NRXN2: variants seen among roughly 807,000 people sequenced by gnomAD.
NRXN2 encodes neurexin 2.
NRXN2 carries 29 observed loss-of-function variants against 128.8 expected under a neutral mutation model. The observed-to-expected ratio is 0.23, with a 90% CI of 0.17 to 0.31. The LOEUF is 0.31. Among genes scored for constraint, NRXN2 ranks in the 10% least tolerant of loss-of-function variants. The pLI is 1.00. For synonymous variants in NRXN2, 1,098 were observed against 1,075.2 expected (o/e 1.02, Z -0.41); for missense variants, 1,881 against 2,452.6 (o/e 0.77, Z 4.92).
At chr11:64,642,593 C>T (rs759320759) in intron 17 of NRXN2, 1 of 1,610,294 alleles carries the variant, frequency 6.2e-7, no homozygotes, top group South Asian at 1.1e-5. Context: ...GGCACGGTGC[C>T]GTGCTTGCTG....
chr11:64,688,394 GT>G (rs1194040135), intron 5 of NRXN2: 15 of 985,318 alleles, frequency 1.5e-5, no homozygotes, highest in Non-Finnish European at 1.8e-5. Context: ...AGATGAGCAA[GT>G]GTGGAAAGAA....
At chr11:64,634,582 G>A (rs2044407109) in intron 18 of NRXN2, among the ~76,000 whole-genome samples, 1 of 152,082 alleles carries the variant, frequency 6.6e-6, no homozygotes, top group Non-Finnish European at 1.5e-5. Context: ...GAGGGGCTAG[G>A]GCTTCTCCCT....
At chr11:64,694,534 C>T (rs1192934632) in intron 3 of NRXN2, among the ~76,000 whole-genome samples, 1 of 152,190 alleles carries the variant, frequency 6.6e-6, no homozygotes, top group Non-Finnish European at 1.5e-5. Context: ...TTTCTCCCCA[C>T]CTCTGAGTCT....
At chr11:64,642,628 G>A in intron 17 of NRXN2, 2 of 1,609,318 alleles carry the variant, frequency 1.2e-6, no homozygotes, top group Non-Finnish European at 1.7e-6. Flanking sequence ...GTGGTGGGTG[G>A]TGCTGAGGCT....
At chr11:64,638,280 G>T (rs1014940040) in intron 17 of NRXN2, among the ~76,000 whole-genome samples, 1 of 152,228 alleles carries the variant, frequency 6.6e-6, no homozygotes, top group African/African-American at 2.4e-5. Context: ...ATTACACTGT[G>T]GGGGGACTGG....
At chr11:64,649,682 A>G (rs1315118928) in intron 15 of NRXN2, among the ~76,000 whole-genome samples, 2 of 152,158 alleles carry the variant, frequency 1.3e-5, no homozygotes, top group East Asian at 1.9e-4. Flanking sequence ...AGTTAATTCC[A>G]TGGTCTCTGA....
chr11:64,615,554 T>C (rs1309243658), intron 22 of NRXN2, among the ~76,000 whole-genome samples: 2 of 152,216 alleles, frequency 1.3e-5, no homozygotes, highest in Non-Finnish European at 2.9e-5. Flanking sequence ...ATGGAGTAAG[T>C]GCAGGAGGCT....
chr11:64,613,667 G>A (rs1474021258), intron 22 of NRXN2, among the ~76,000 whole-genome samples: 4 of 152,330 alleles, frequency 2.6e-5, no homozygotes, highest in South Asian at 2.1e-4. Context: ...GCATACCCAG[G>A]TAGGGTGCAC....
rs770774898 is a variant in NRXN2 at position 64,690,423 on chromosome 11, C to T, written c.832G>A (p.Val278Met). ...GGAGRGGAGDVHQPTKGKEEF... is the reference protein window; with the variant it reads ...GGAGRGGAGDMHQPTKGKEEF... ...CACTGACCTTTTGTTGGCTGGTGCA[C>T]ATCGCCGGCTCCTCCTCTCCCGGCC... Residue 278 changes from valine (V) to methionine (M), a missense_variant, in exon 5 of 23, where the codon GTG becomes ATG. Val to Met is a conservative substitution (Grantham distance 21, BLOSUM62 1). Around this residue, in one of 7 missense-constraint regions of NRXN2, gnomAD observed 997 missense variants for 1,240.8 expected, o/e 0.80. Transcript: ENST00000265459. 2.5e-6 allele frequency: 4 copies of T among 1,613,240 alleles called. No homozygotes were observed. In the East Asian group the frequency reaches 6.7e-5, roughly 27 times the overall value.
chr11:64,640,069 C>A (rs1349717031), intron 17 of NRXN2, among the ~76,000 whole-genome samples: 1 of 152,058 alleles, frequency 6.6e-6, no homozygotes, highest in Non-Finnish European at 1.5e-5. Flanking sequence ...GGCTCCTCCC[C>A]CACACCTCCC....
intron 4 of NRXN2, among the ~76,000 whole-genome samples, chr11:64,691,711 A>G (rs2053829681): frequency 6.6e-6 from 1 of 151,348 alleles, no homozygotes; most frequent in South Asian, 2.1e-4. Context: ...CAGGGTTCCT[A>G]CTCCTAGCTC....
intron 2 of NRXN2, among the ~76,000 whole-genome samples, chr11:64,700,002 G>T (rs1349494797): frequency 6.6e-6 from 1 of 152,150 alleles, no homozygotes; most frequent in Admixed American, 6.5e-5. Flanking sequence ...AACCAGGCTT[G>T]GTTTGTTTCT....
At chr11:64,638,587 A>G (rs966065389) in intron 17 of NRXN2, among the ~76,000 whole-genome samples, 20 of 152,212 alleles carry the variant, frequency 1.3e-4, no homozygotes, top group African/African-American at 4.8e-4. Context: ...AGCGCAAAAT[A>G]GGGCACCACA....
At chr11:64,665,884 G>A (rs1272469967) in intron 9 of NRXN2, among the ~76,000 whole-genome samples, 1 of 152,168 alleles carries the variant, frequency 6.6e-6, no homozygotes, top group East Asian at 1.9e-4. Context: ...TTAGCAGACA[G>A]AAAACAAGAA....
intron 2 of NRXN2, chr11:64,712,574 G>A: frequency 3.7e-6 from 1 of 272,274 alleles, no homozygotes; most frequent in East Asian, 1.4e-4. Flanking sequence ...CATGGTCCCC[G>A]CCCACTGCCT....
At chr11:64,704,623 C>CAGAGAG (rs61394963) in intron 2 of NRXN2, among the ~76,000 whole-genome samples, 3,285 of 81,024 alleles carry the variant, frequency 0.041, 227 homozygotes, top group Non-Finnish European at 0.058. Context: ...CACACACACA[C>CAGAGAG]AGAGAGAGAG....
chr11:64,650,705 G>A (rs748020801), intron 14 of NRXN2, 67 bp from the exon 15 acceptor site: 17 of 1,485,670 alleles, frequency 1.1e-5, no homozygotes, highest in Non-Finnish European at 1.2e-5. Context: ...GGGGTGAGGA[G>A]GAGCTATGGC....
At chr11:64,719,974 C>T (rs1318033561) in intron 1 of NRXN2, among the ~76,000 whole-genome samples, 2 of 152,236 alleles carry the variant, frequency 1.3e-5, no homozygotes, top group Non-Finnish European at 2.9e-5. Flanking sequence ...TTACAGAGTG[C>T]TTCGCACAAG....
chr11:64,630,676 A>G lies in NRXN2; in HGVS notation c.3586-103T>C. ...CACTAGCCCAGCTCCGCAGCACTTA[A>G]GGCACCTTTCCCAGGTCTCAACCGC... On this transcript the variant is annotated intron_variant, in intron 18 of 22. Transcript: ENST00000265459. This position sits in a 1 kb window ranked among gnomAD's most constrained non-coding sequence, Gnocchi z 4.6. The G allele has an allele frequency of 7.4e-7, 1 of 1,358,118 alleles. No homozygotes were observed. The highest frequency in any genetic ancestry group is 1.2e-5 in the South Asian group (1 of 82,478). The allele number at this position is 1,358,118 out of a possible 1,614,324, so 84.1% of individuals were successfully genotyped here.
Sources: gnomAD v4.1 joint callset for allele counts (sites outside exome capture counted in the v4.1 genomes callset) on GRCh38, gnomAD v4.1.1 for gene constraint, gnomAD v4.1.1 regional missense constraint, Gnocchi (gnomAD v3.1) non-coding constraint, MANE v1.5 for transcripts, NCBI Gene and HGNC (gene_info 2026-07-23, HGNC 2026-07-21) for gene names.